CNTNAP4: variants seen among roughly 807,000 people sequenced by gnomAD.
CNTNAP4 encodes the protein contactin associated protein family member 4.
CNTNAP4 carries 98 observed loss-of-function variants against 148.4 expected under a neutral mutation model. That is an observed-to-expected ratio of 0.66 (90% CI 0.56 to 0.78). CNTNAP4 has a LOEUF of 0.78. Ranked by LOEUF, CNTNAP4 falls within the 30% of genes least tolerant of loss-of-function variation. The pLI is 0.00. For missense variants in CNTNAP4, 1,935 were observed against 1,565.6 expected (o/e 1.24, Z -3.98); for synonymous variants, 730 against 565.1 (o/e 1.29, Z -4.14).
chr16:76,528,579 G>A (rs1212267285), intron 17 of CNTNAP4, among the ~76,000 whole-genome samples: 4 of 152,164 alleles, frequency 2.6e-5, no homozygotes, highest in Non-Finnish European at 5.9e-5. Context: ...GATTAGCATT[G>A]TTGGTAATCT....
chr16:76,553,878 C>A lies in CNTNAP4; in HGVS notation c.3704C>A (p.Ala1235Glu). The A allele has an allele frequency of 6.2e-7, 1 of 1,611,324 alleles. No individual in the cohort carries two copies. The highest frequency in any genetic ancestry group is 1.3e-5 in the African/African-American group (1 of 75,008). ...GATGACAGAGAGCCCCTTGCTAATG[C>A]AATCAAAAGTGACTCTGCAGTAATT... Reference protein sequence around the residue: ...TIDDREPLANAIKSDSAVIGG... With the variant: ...TIDDREPLANEIKSDSAVIGG... Residue 1235 changes from alanine to glutamate, a missense_variant, in exon 23 of 24, where the codon GCA (alanine) becomes GAA (glutamate). By Grantham distance (107) the Ala-to-Glu change is moderately radical. Coordinates refer to ENST00000611870, the MANE Select transcript of CNTNAP4 (RefSeq NM_033401.5).
chr16:76,491,025 G>A (rs550286830), intron 13 of CNTNAP4, among the ~76,000 whole-genome samples: 18 of 152,052 alleles, frequency 1.2e-4, no homozygotes, highest in Admixed American at 4.6e-4. Flanking sequence ...CTGAACTGTC[G>A]TTCTGACATT....
rs565717870 is a variant in CNTNAP4 at position 76,320,305 on chromosome 16, C to T, written c.196+3782C>T. ...TTCCAAGCAAAATAGAAAAGGTATA[C>T]CTTTGTTTCTCCTTGAAGCTTATAG... On this transcript the variant is annotated intron_variant, in intron 2 of 23. Transcript: ENST00000611870. 2.5e-3 allele frequency among the ~76,000 whole-genome samples: 381 copies of T among 152,192 alleles called. 1 individual carries two copies. Among genetic ancestry groups the T allele is most frequent in the African/African-American group, 9.0e-3 (373 of 41,556 alleles).
At chr16:76,330,788 A>G (rs1237733567) in intron 2 of CNTNAP4, among the ~76,000 whole-genome samples, 3 of 152,244 alleles carry the variant, frequency 2.0e-5, no homozygotes, top group African/African-American at 4.8e-5. Context: ...TGATGCAGAA[A>G]AGCATAAGTG....
chr16:76,490,004 A>G (rs550993078), intron 13 of CNTNAP4, 121 bp downstream of exon 13: 48 of 501,502 alleles, frequency 9.6e-5, no homozygotes, highest in African/African-American at 9.1e-4. Context: ...ATATGATCTC[A>G]CATACTTAGT....
chr16:76,401,841 C>T (rs1288512150), intron 3 of CNTNAP4, among the ~76,000 whole-genome samples: 1 of 152,152 alleles, frequency 6.6e-6, no homozygotes, highest in Non-Finnish European at 1.5e-5. Context: ...CGATGAATCA[C>T]ACTTATTGAT....
chr16:76,482,925 G>A (rs149853880), intron 12 of CNTNAP4, among the ~76,000 whole-genome samples: 1 of 152,148 alleles, frequency 6.6e-6, no homozygotes, highest in Non-Finnish European at 1.5e-5. Flanking sequence ...GTATGCACTG[G>A]CAACTCTGGT....
intron 4 of CNTNAP4, among the ~76,000 whole-genome samples, chr16:76,436,436 G>C (rs1218357721): frequency 6.6e-6 from 1 of 152,032 alleles, no homozygotes; most frequent in Non-Finnish European, 1.5e-5. Flanking sequence ...TTTCCTTGCA[G>C]TTCAGCCACT....
At position 76,559,714 on chromosome 16, in the gene CNTNAP4, A is replaced by G. The variant is rs2085343703; in HGVS notation, c.*1031A>G. Among the ~76,000 whole-genome samples the G allele has an allele frequency of 1.3e-5, 2 of 152,110 alleles. No individual in the cohort carries two copies. The highest frequency in any genetic ancestry group is 1.5e-5 in the Non-Finnish European group (1 of 68,010). On this transcript the variant is annotated 3_prime_UTR_variant, in exon 24 of 24. Coordinates refer to ENST00000611870, the MANE Select transcript of CNTNAP4 (RefSeq NM_033401.5). ...ATGATTATACTTCACGAATCATCTT[A>G]TATATTACCAAAAAAGAGACAAATT... is the stretch of plus-strand genomic sequence containing the variant.
intron 3 of CNTNAP4, among the ~76,000 whole-genome samples, chr16:76,359,090 A>AT (rs1365070164): frequency 6.6e-6 from 1 of 152,162 alleles, no homozygotes; most frequent in Non-Finnish European, 1.5e-5. Context: ...TTCAATTTGC[A>AT]TTTTTTAAGC....
At chr16:76,315,200 C>T (rs1036471054) in intron 1 of CNTNAP4, among the ~76,000 whole-genome samples, 1 of 151,194 alleles carries the variant, frequency 6.6e-6, no homozygotes, top group African/African-American at 2.4e-5. Context: ...TTATGAGCAA[C>T]GTTGCTAGAA....
intron 12 of CNTNAP4, among the ~76,000 whole-genome samples, chr16:76,485,735 CA>C (rs1470735801): frequency 1.3e-5 from 2 of 152,116 alleles, no homozygotes; most frequent in African/African-American, 2.4e-5. Context: ...AGCTGGAGAG[CA>C]TAAGACTTAC....
At chr16:76,540,587 G>A (rs1033005749) in intron 20 of CNTNAP4, 116 bp from the exon 21 acceptor site, 5 of 552,982 alleles carry the variant, frequency 9.0e-6, no homozygotes, top group Non-Finnish European at 1.5e-5. Context: ...CTAAATGTTT[G>A]GGGCCATGCT....
intron 1 of CNTNAP4, among the ~76,000 whole-genome samples, chr16:76,286,586 A>G (rs1276952025): frequency 2.0e-5 from 3 of 152,166 alleles, no homozygotes; most frequent in African/African-American, 7.2e-5. Context: ...GCAATGAAGC[A>G]GAATATGTTG....
chr16:76,542,149 GA>G (rs761797518), intron 21 of CNTNAP4, among the ~76,000 whole-genome samples: 1 of 152,138 alleles, frequency 6.6e-6, no homozygotes, highest in Non-Finnish European at 1.5e-5. Context: ...CAGATGCATA[GA>G]AAAACATGGC....
At chr16:76,304,803 C>T (rs1315396872) in intron 1 of CNTNAP4, among the ~76,000 whole-genome samples, 1 of 152,156 alleles carries the variant, frequency 6.6e-6, no homozygotes, top group Non-Finnish European at 1.5e-5. Context: ...AGTTTGGCAA[C>T]AGTGGTAGGC....
At chr16:76,549,456 G>A (rs1298440958) in intron 21 of CNTNAP4, among the ~76,000 whole-genome samples, 1 of 151,906 alleles carries the variant, frequency 6.6e-6, no homozygotes, top group Non-Finnish European at 1.5e-5. Context: ...GCTGGGCACC[G>A]GCAAGCAGAT....
chr16:76,349,477 TA>T (rs1198688559), intron 2 of CNTNAP4, among the ~76,000 whole-genome samples: 1 of 152,056 alleles, frequency 6.6e-6, no homozygotes, highest in Admixed American at 6.6e-5. Context: ...ACAAAGCTAT[TA>T]AAAGGCTCTA....
chr16:76,549,292 G>A (rs909256728), intron 21 of CNTNAP4, among the ~76,000 whole-genome samples: 2 of 152,110 alleles, frequency 1.3e-5, no homozygotes, highest in African/African-American at 4.8e-5. Context: ...AAGGTGCTAA[G>A]ATGACCTGAA....
Sources: gnomAD v4.1 joint callset for allele counts (sites outside exome capture counted in the v4.1 genomes callset) on GRCh38, gnomAD v4.1.1 for gene constraint, MANE v1.5 for transcripts, NCBI Gene and HGNC (gene_info 2026-07-23, HGNC 2026-07-21) for gene names.